CHRDL2: variants seen among roughly 807,000 people sequenced by gnomAD.
CHRDL2 encodes the protein chordin-like protein 2.
A neutral mutation model predicts 54.3 loss-of-function variants in CHRDL2; 41 were observed. The ratio of observed to expected loss-of-function variants is 0.76; its 90% CI spans 0.59 to 0.98. The LOEUF (loss-of-function observed/expected upper bound fraction) is 0.98, where lower values mean the gene tolerates loss of function less well. CHRDL2 is among the 50% of genes least tolerant of loss of function. The pLI is 0.00. For synonymous variants in CHRDL2, 220 were observed against 224.3 expected, an observed-to-expected ratio of 0.98 and a Z score of 0.17; for missense variants, 518 against 562.4, an observed-to-expected ratio of 0.92 and a Z score of 0.80.
chr11:74,708,377 C>A lies in CHRDL2; in HGVS notation c.451G>T (p.Gly151Cys), dbSNP rs542301374. 1.3e-6 allele frequency: 2 copies of A among 1,584,376 alleles called. No homozygotes were observed. Among genetic ancestry groups the A allele is most frequent in the Middle Eastern group, 1.7e-4 (1 of 5,956 alleles). Residue 151 changes from glycine to cysteine, a missense_variant, in exon 5 of 11, where the codon GGC (glycine) becomes TGC (cysteine). Transcript: ENST00000376332. The stretch of plus-strand genomic sequence containing the variant: ...CCTGGTTCGGGGCAGGTTGTGAGGC[C>A]GCAGTAGATCTGGCCCTCCTGACAG... ...CSCTEGQIYCGLTTCPEPGCP... is the reference protein window; with the variant it reads ...CSCTEGQIYCCLTTCPEPGCP...
chr11:74,707,503 T>C (rs181192804), intron 5 of CHRDL2, among the ~76,000 whole-genome samples: 5 of 152,260 alleles, frequency 3.3e-5, no homozygotes, highest in Admixed American at 6.5e-5. Flanking sequence ...TTATAAGAGG[T>C]TCTACCTGGG....
At chr11:74,726,717 T>G (rs2034577316) in intron 1 of CHRDL2, among the ~76,000 whole-genome samples, 1 of 152,186 alleles carries the variant, frequency 6.6e-6, no homozygotes, top group Non-Finnish European at 1.5e-5. Flanking sequence ...GGGCTCAGGC[T>G]CAGCAGCCTG....
rs771558627 is a variant in CHRDL2, at chr11:74,708,311, C to T, written c.517G>A (p.Ala173Thr). 1.6e-5 allele frequency: 25 copies of T among 1,579,274 alleles called. No individual in the cohort carries two copies. The highest frequency in any genetic ancestry group is 2.1e-5 in the Non-Finnish European group (24 of 1,166,622). Residue 173 changes from alanine (A) to threonine (T), a missense_variant, in exon 5 of 11, where the codon GCC becomes ACC. Transcript: ENST00000376332. ...PLPLPDSCCQ[A>T]CKDEASEQSD... ...GGAGGGACAGACTCACCTTTGCAGG[C>T]CTGGCAGCAGGAGTCTGGCAGCGGG...
chr11:74,708,154 G>C (rs2034068672), intron 5 of CHRDL2, 148 bp downstream of exon 5: 1 of 528,826 alleles, frequency 1.9e-6, no homozygotes, highest in East Asian at 3.6e-5. Flanking sequence ...GCTTTCTGGG[G>C]GGTGCAGGCT....
At chr11:74,725,429 T>G (rs900439677) in intron 1 of CHRDL2, among the ~76,000 whole-genome samples, 1 of 152,200 alleles carries the variant, frequency 6.6e-6, no homozygotes, top group African/African-American at 2.4e-5. Flanking sequence ...GCCATCTGAA[T>G]GCTCAAACCA....
chr11:74,728,222 C>T lies in CHRDL2; in HGVS notation c.82+2585G>A, dbSNP rs575722158. 8.5e-5 allele frequency among the ~76,000 whole-genome samples: 13 copies of T among 152,276 alleles called. No individual in the cohort carries two copies. The East Asian group carries it at 2.3e-3, about 27-fold the overall frequency. On this transcript the variant is annotated intron_variant, in intron 1 of 10. Transcript: ENST00000376332. ...AGGCCCTTGGCATTCTTCAGGGCTC[C>T]GACACCTCAGGAGCCTGATACCACA... is the stretch of plus-strand genomic sequence containing the variant.
At chr11:74,712,592 G>A (rs964116477) in intron 3 of CHRDL2, among the ~76,000 whole-genome samples, 1 of 152,116 alleles carries the variant, frequency 6.6e-6, no homozygotes, top group South Asian at 2.1e-4. Context: ...TCCCTACTGG[G>A]CTCCCCCCTG....
chr11:74,730,668 T>C (rs2034637743), intron 1 of CHRDL2, 139 bp downstream of exon 1: 5 of 781,262 alleles, frequency 6.4e-6, no homozygotes, highest in Non-Finnish European at 8.6e-6. Flanking sequence ...ATACTGGTCC[T>C]CACGGAGTCT....
intron 1 of CHRDL2, among the ~76,000 whole-genome samples, chr11:74,726,549 C>T (rs934531030): frequency 6.6e-6 from 1 of 152,140 alleles, no homozygotes; most frequent in African/African-American, 2.4e-5. Flanking sequence ...TACTACACCT[C>T]CCAGGGGCAC....
intron 9 of CHRDL2, chr11:74,701,761 T>G: frequency 1.1e-5 from 6 of 550,736 alleles, no homozygotes; most frequent in Non-Finnish European, 2.0e-5. Flanking sequence ...GTTATTATTA[T>G]CATTGTCATT....
In CHRDL2 at chr11:74,710,848, C is replaced by T; in HGVS notation, c.432+1G>A. The T allele has an allele frequency of 6.2e-7, 1 of 1,613,928 alleles. No homozygotes were observed. Among genetic ancestry groups the T allele is most frequent in the Non-Finnish European group, 8.5e-7 (1 of 1,179,922 alleles). On this transcript the variant is annotated splice_donor_variant, in intron 4 of 10. Coordinates refer to ENST00000376332, the MANE Select transcript of CHRDL2 (RefSeq NM_001278473.3). LOFTEE classifies it high-confidence loss of function. ...GCTGAAGGGAAGGCAGGAGTTCTTA[C>T]TGTGCAGCTGCAGAGGACACACTGG...
chr11:74,717,714 G>A (rs538612415), intron 2 of CHRDL2, among the ~76,000 whole-genome samples: 4 of 152,284 alleles, frequency 2.6e-5, no homozygotes, highest in Admixed American at 2.0e-4. Flanking sequence ...TTTTAACAAG[G>A]GAGACTCTTA....
Position 74,704,521 on chromosome 11 carries a change from G to T in CHRDL2, c.716C>A (p.Thr239Asn), listed in dbSNP as rs778923246. 3.2e-6 allele frequency: 5 copies of T among 1,585,022 alleles called. No individual in the cohort carries two copies. Among genetic ancestry groups the T allele is most frequent in the Non-Finnish European group, 4.3e-6 (5 of 1,169,834 alleles). The change falls in exon 7 of 11, where the codon ACT becomes AAT. Residue 239 changes from threonine (T) to asparagine (N), a missense_variant. Transcript: ENST00000376332. ...HFRPKGAGSTTVKIVLKEKHK... is the reference protein window; with the variant it reads ...HFRPKGAGSTNVKIVLKEKHK... The stretch of plus-strand genomic sequence containing the variant: ...TTTCTCCTTCAGGACGATCTTGACA[G>T]TTGTGCTGCCTGCTCCCTTGGGTCT...
At chr11:74,697,949 G>C (rs985212056) in intron 9 of CHRDL2, among the ~76,000 whole-genome samples, 1 of 152,174 alleles carries the variant, frequency 6.6e-6, no homozygotes, top group African/African-American at 2.4e-5. Context: ...ACAGTGGCTT[G>C]CCTGTGCCCT....
intron 1 of CHRDL2, 81 bp from the exon 2 acceptor site, chr11:74,718,913 C>T (rs2034436039): frequency 1.0e-5 from 9 of 868,270 alleles, no homozygotes; most frequent in Non-Finnish European, 1.7e-5. Context: ...CTTTCTAGCT[C>T]TAAAAGAGAT....
At chr11:74,706,919 A>C (rs1318325211) in intron 5 of CHRDL2, among the ~76,000 whole-genome samples, 1 of 152,206 alleles carries the variant, frequency 6.6e-6, no homozygotes, top group Non-Finnish European at 1.5e-5. Flanking sequence ...AAAGGCCCAG[A>C]ATCCCATCCC....
At chr11:74,702,469 G>T (rs1175696591) in intron 9 of CHRDL2, among the ~76,000 whole-genome samples, 1 of 152,120 alleles carries the variant, frequency 6.6e-6, no homozygotes, top group East Asian at 1.9e-4. Flanking sequence ...TGCCTGAGAA[G>T]ACCCCCGCTC....
rs779784830 is a variant in CHRDL2, at chr11:74,711,001, G to A, written c.290-10C>T. On this transcript the variant is annotated splice_polypyrimidine_tract_variant and intron_variant, in intron 3 of 10. Transcript: ENST00000376332. ...GAGGGAGTGTGAGGTTCTGCAGTGG[G>A]GGAGGGGCAGGAGGAAGAAGAAAAT... The A allele has an allele frequency of 3.7e-6, 6 of 1,608,602 alleles. No homozygotes were observed. The highest frequency in any genetic ancestry group is 4.2e-6 in the Non-Finnish European group (5 of 1,176,876).
rs1252134386 is a variant in CHRDL2, at chr11:74,710,857, T to C, written c.424A>G (p.Ser142Gly). The C allele has an allele frequency of 1.9e-6, 3 of 1,614,092 alleles. No homozygotes were observed. In the South Asian group the frequency reaches 3.3e-5, roughly 18 times the overall value. ...AAGGCAGGAGTTCTTACTGTGCAGC[T>C]GCAGAGGACACACTGGTTGGGCAGG... ...SRLPNQCVLC[S>G]CTEGQIYCGL... Residue 142 changes from serine (S) to glycine (G), a missense_variant, in exon 4 of 11, where the codon AGC becomes GGC. Ser to Gly is a moderately conservative substitution (Grantham distance 56, BLOSUM62 0). Coordinates refer to ENST00000376332, the MANE Select transcript of CHRDL2 (RefSeq NM_001278473.3).
Sources: gnomAD v4.1 joint callset for allele counts (sites outside exome capture counted in the v4.1 genomes callset) on GRCh38, gnomAD v4.1.1 for gene constraint, MANE v1.5 for transcripts, NCBI Gene and HGNC (gene_info 2026-07-23, HGNC 2026-07-21) for gene names.